The following ATE1 variants were observed in gnomAD, a reference collection of about 807,000 sequenced individuals.
The protein encoded by ATE1 is arginyl-tRNA--protein transferase 1.
In ATE1, 36 loss-of-function variants were observed where a neutral mutation model predicts 70.5. The ratio of observed to expected loss-of-function variants is 0.51; its 90% CI spans 0.39 to 0.67. ATE1 has a LOEUF of 0.67. Ranked by LOEUF, ATE1 falls within the 30% of genes least tolerant of loss-of-function variation. The pLI, the probability that ATE1 is intolerant of heterozygous loss-of-function variation, is 0.00. For missense variants in ATE1, 593 were observed against 629.5 expected (o/e 0.94, Z 0.62); for synonymous variants, 232 against 219.3 (o/e 1.06, Z -0.51).
rs571678963 is a variant in ATE1, at chr10:121,784,062, C to T, written c.1378+6107G>A. Among the ~76,000 whole-genome samples the T allele has an allele frequency of 5.3e-5, 8 of 152,210 alleles. No homozygotes were observed. The East Asian group carries it at 1.6e-3, about 29-fold the overall frequency. On this transcript the variant is annotated intron_variant, in intron 11 of 11. Transcript: ENST00000224652. ...TGTGAGCCACCTTGCCTGGCACTTG[C>T]TTTGAAATTTTAAAACCTATTCTAC...
At chr10:121,780,958 C>T (rs997641534) in intron 11 of ATE1, among the ~76,000 whole-genome samples, 3 of 152,148 alleles carry the variant, frequency 2.0e-5, no homozygotes, top group Non-Finnish European at 2.9e-5. Flanking sequence ...TAGCATAATA[C>T]CTGGCTCAGT....
chr10:121,858,377 G>A (rs906365302), intron 8 of ATE1, among the ~76,000 whole-genome samples: 2 of 151,624 alleles, frequency 1.3e-5, no homozygotes, highest in Non-Finnish European at 2.9e-5. Flanking sequence ...CACCAAATAG[G>A]TATGAAGTGA....
intron 10 of ATE1, among the ~76,000 whole-genome samples, chr10:121,812,124 T>C (rs74521352): frequency 6.6e-6 from 1 of 151,778 alleles, no homozygotes; most frequent in East Asian, 1.9e-4. Flanking sequence ...CCTGACTAAT[T>C]TTTGTATTTT....
chr10:121,850,898 T>C (rs533913675), intron 8 of ATE1, among the ~76,000 whole-genome samples: 2 of 151,992 alleles, frequency 1.3e-5, no homozygotes, highest in South Asian at 2.1e-4. Context: ...GACACCATCC[T>C]GGCTAACACA....
At chr10:121,804,933 T>C (rs1317490574) in intron 10 of ATE1, among the ~76,000 whole-genome samples, 2 of 152,102 alleles carry the variant, frequency 1.3e-5, no homozygotes, top group African/African-American at 4.8e-5. Context: ...AGACTATTTA[T>C]TAAGGGAGTT....
At chr10:121,926,602 G>A in intron 1 of ATE1, 1 of 554,130 alleles carries the variant, frequency 1.8e-6, no homozygotes, top group Non-Finnish European at 2.3e-6. Context: ...AAAAAAATAA[G>A]TAATGACCTA....
chr10:121,826,842 C>T (rs371585617), intron 10 of ATE1, among the ~76,000 whole-genome samples: 12 of 152,154 alleles, frequency 7.9e-5, no homozygotes, highest in East Asian at 3.8e-4. Flanking sequence ...TAATGTCTAG[C>T]TCCCACTTAT....
At chr10:121,805,461 G>C (rs979974051) in intron 10 of ATE1, among the ~76,000 whole-genome samples, 9 of 152,092 alleles carry the variant, frequency 5.9e-5, no homozygotes, top group Non-Finnish European at 8.8e-5. Flanking sequence ...ATAAGGAGTG[G>C]TGGTGATTAT....
chr10:121,902,467 G>A lies in ATE1; in HGVS notation c.737C>T (p.Ala246Val). The change falls in exon 6 of 12, where the codon GCT (alanine) becomes GTT (valine). Residue 246 changes from alanine (A) to valine (V), a missense_variant. Physicochemically the swap from Ala to Val is moderately conservative, Grantham distance 64 (BLOSUM62 0). This residue lies in a region of ATE1 where 467 missense variants were observed against 469.6 expected (regional missense o/e 0.99). Coordinates refer to ENST00000224652, the MANE Select transcript of ATE1 (RefSeq NM_001001976.3). ...GHPPSLFPPK[A>V]KSNQPKSLED... ...GAGTGATTTTGGCTGGTTGGATTTA[G>A]CCTTTGGTGGAAACAAAGATGGTGG... 1 of 1,614,182 alleles carries A rather than the reference G, an allele frequency of 6.2e-7. No homozygotes were observed. The highest frequency in any genetic ancestry group is 8.5e-7 in the Non-Finnish European group (1 of 1,180,038).
At chr10:121,852,379 T>G (rs1949087281) in intron 8 of ATE1, among the ~76,000 whole-genome samples, 4 of 152,154 alleles carry the variant, frequency 2.6e-5, no homozygotes, top group Admixed American at 2.0e-4. Context: ...TTAAAATAAC[T>G]CACTCCTGCA....
chr10:121,924,816 TA>T (rs1952023336), intron 1 of ATE1, among the ~76,000 whole-genome samples: 1 of 151,340 alleles, frequency 6.6e-6, no homozygotes, highest in Admixed American at 6.6e-5. Context: ...ACAGCACAAA[TA>T]AAGAATGACA....
At position 121,900,008 on chromosome 10, in the gene ATE1, T is replaced by TA. The variant is rs756965864; in HGVS notation, c.814-15dup. 16 of 1,610,058 alleles carry TA rather than the reference T, an allele frequency of 9.9e-6. No homozygotes were observed. The highest frequency in any genetic ancestry group is 1.4e-5 in the Non-Finnish European group (16 of 1,178,216). The stretch of plus-strand genomic sequence containing the variant: ...CACCACCCTCACCTTCAGAAGCAGT[T>TA]AAAAAAACAAGTTTACTAATTCATT... On this transcript the variant is annotated splice_polypyrimidine_tract_variant and intron_variant, in intron 6 of 11. Coordinates refer to ENST00000224652, the MANE Select transcript of ATE1 (RefSeq NM_001001976.3).
At chr10:121,827,707 T>C (rs1015316935) in intron 10 of ATE1, among the ~76,000 whole-genome samples, 23 of 152,252 alleles carry the variant, frequency 1.5e-4, no homozygotes, top group African/African-American at 5.3e-4. Context: ...ATTTATCACC[T>C]GTCATTAAAT....
chr10:121,911,442 T>TAAAAAAAAAAAAAAAAAAAAAAAA (rs371014661), intron 4 of ATE1, among the ~76,000 whole-genome samples: 1 of 128,340 alleles, frequency 7.8e-6, no homozygotes, highest in Non-Finnish European at 1.6e-5. Flanking sequence ...TACAGTAAAT[T>TAAAAAAAAAAAAAAAAAAAAAAAA]AAAAAAAAAA....
intron 11 of ATE1, among the ~76,000 whole-genome samples, chr10:121,774,160 G>T (rs566538666): frequency 1.3e-5 from 2 of 152,102 alleles, no homozygotes; most frequent in Non-Finnish European, 2.9e-5. Flanking sequence ...CAATGGATAC[G>T]CAATAATGGA....
chr10:121,758,111 TAATATA>T, intron 11 of ATE1, among the ~76,000 whole-genome samples: 1 of 152,346 alleles, frequency 6.6e-6, no homozygotes, highest in African/African-American at 2.4e-5. Flanking sequence ...GTACTATACT[TAATATA>T]AGTATGTATA....
At chr10:121,791,757 G>A (rs1946462439) in intron 10 of ATE1, among the ~76,000 whole-genome samples, 1 of 152,116 alleles carries the variant, frequency 6.6e-6, no homozygotes, top group Admixed American at 6.5e-5. Context: ...GCTTACCGAT[G>A]TTATGTTCTA....
At chr10:121,859,298 C>T (rs1325196691) in intron 8 of ATE1, among the ~76,000 whole-genome samples, 1 of 150,564 alleles carries the variant, frequency 6.6e-6, no homozygotes, top group Non-Finnish European at 1.5e-5. Flanking sequence ...AGTCTGTCGC[C>T]CAGGCTGGAG....
chr10:121,880,800 A>G lies in ATE1; in HGVS notation c.943-10762T>C, dbSNP rs536825216. Among the ~76,000 whole-genome samples, 5 of 152,288 alleles carry G rather than the reference A, an allele frequency of 3.3e-5. 1 individual carries two copies. In the South Asian group the frequency reaches 1.0e-3, roughly 32 times the overall value. On this transcript the variant is annotated intron_variant, in intron 7 of 11. Coordinates refer to ENST00000224652, the MANE Select transcript of ATE1 (RefSeq NM_001001976.3). ...TAATGAATGACCATAGTGAAAATAC[A>G]AACTTTCCTTGTTTAGACTAGCCAT...
Sources: gnomAD v4.1 joint callset for allele counts (sites outside exome capture counted in the v4.1 genomes callset) on GRCh38, gnomAD v4.1.1 for gene constraint, gnomAD v4.1.1 regional missense constraint, MANE v1.5 for transcripts, NCBI Gene and HGNC (gene_info 2026-07-23, HGNC 2026-07-21) for gene names.